The following C1QTNF3 variants were observed in gnomAD, a reference collection of about 807,000 sequenced individuals.
C1QTNF3 encodes the protein complement C1q tumor necrosis factor-related protein 3.
Under a neutral mutation model 32.6 loss-of-function variants are expected in C1QTNF3, and 26 were observed. That is an observed-to-expected ratio of 0.80 (90% CI 0.58 to 1.11). C1QTNF3 has a LOEUF of 1.11. Ranked by LOEUF, C1QTNF3 falls within the 50% of genes least tolerant of loss-of-function variation. The pLI is 0.00. For synonymous variants in C1QTNF3, 155 were observed against 146.0 expected (o/e 1.06, Z -0.44); for missense variants, 362 against 398.2 (o/e 0.91, Z 0.77).
Position 34,043,007 on chromosome 5 carries a change from A to C in C1QTNF3, c.119T>G (p.Ile40Arg). Residue 40 changes from isoleucine (I) to arginine (R), a missense_variant, in exon 1 of 6, where the codon ATA (isoleucine) becomes AGA (arginine). Ile to Arg is a moderately conservative substitution (Grantham distance 97, BLOSUM62 -3). Coordinates refer to ENST00000382065, the MANE Select transcript of C1QTNF3 (RefSeq NM_181435.6). ...GCCAGTCTGCTGGTGGCTTTGCACT[A>C]TTCTTGCCACCACTTTATTAGTTCT... ...SGRTNKVVAR[I>R]VQSHQQTGRS... 1 of 1,614,168 alleles carries C rather than the reference A, an allele frequency of 6.2e-7. No homozygotes were observed. Among genetic ancestry groups the C allele is most frequent in the Non-Finnish European group, 8.5e-7 (1 of 1,180,032 alleles).
At chr5:34,204,232 G>A in the C1QTNF3 span, among the ~76,000 whole-genome samples, 3 of 152,026 alleles carry the variant, frequency 2.0e-5, no homozygotes, top group Admixed American at 1.3e-4. Flanking sequence ...TAATAAAACC[G>A]CAATTTCACC....
chr5:34,107,469 T>C, the C1QTNF3 span, among the ~76,000 whole-genome samples: 1 of 151,974 alleles, frequency 6.6e-6, no homozygotes, highest in Non-Finnish European at 1.5e-5. Flanking sequence ...ATAATGACAA[T>C]AACTGTCATC....
At chr5:34,127,412 A>C in the C1QTNF3 span, among the ~76,000 whole-genome samples, 9 of 151,826 alleles carry the variant, frequency 5.9e-5, no homozygotes, top group Admixed American at 5.9e-4. Flanking sequence ...CTTATTGTGA[A>C]CTATAGTAAA....
chr5:34,213,475 T>C, the C1QTNF3 span, among the ~76,000 whole-genome samples: 6 of 151,826 alleles, frequency 4.0e-5, no homozygotes, highest in African/African-American at 1.5e-4. Context: ...TTGAGGTCTA[T>C]ATGCTACATT....
At chr5:34,232,266 T>C in the C1QTNF3 span, among the ~76,000 whole-genome samples, 1 of 152,202 alleles carries the variant, frequency 6.6e-6, no homozygotes, top group Non-Finnish European at 1.5e-5. Flanking sequence ...TACAGGCTTA[T>C]AGGCAGAAGG....
At chr5:34,244,073 TCTCAC>T in the C1QTNF3 span, among the ~76,000 whole-genome samples, 1 of 152,042 alleles carries the variant, frequency 6.6e-6, no homozygotes, top group Non-Finnish European at 1.5e-5. Flanking sequence ...CTCTCTGGTT[TCTCAC>T]CTAATTCATA....
chr5:34,236,108 T>C, the C1QTNF3 span, among the ~76,000 whole-genome samples: 3 of 152,230 alleles, frequency 2.0e-5, no homozygotes, highest in Non-Finnish European at 2.9e-5. Context: ...AAGTTGGATA[T>C]AAAATATGTT....
At chr5:34,207,455 T>G in the C1QTNF3 span, among the ~76,000 whole-genome samples, 30 of 152,294 alleles carry the variant, frequency 2.0e-4, no homozygotes, top group Admixed American at 7.8e-4. Flanking sequence ...GCAAGCTATT[T>G]AAATTTTGTG....
the C1QTNF3 span, among the ~76,000 whole-genome samples, chr5:34,210,172 G>T: frequency 6.6e-6 from 1 of 151,922 alleles, no homozygotes; most frequent in African/African-American, 2.4e-5. Context: ...TAGGTTTTCA[G>T]TTTCTGATGT....
At chr5:34,241,647 T>TG in the C1QTNF3 span, among the ~76,000 whole-genome samples, 6 of 151,744 alleles carry the variant, frequency 4.0e-5, no homozygotes, top group South Asian at 1.3e-3. Flanking sequence ...CTGGATGCAG[T>TG]GGTTCATGCC....
chr5:34,139,238 G>A, the C1QTNF3 span, among the ~76,000 whole-genome samples: 67 of 151,270 alleles, frequency 4.4e-4, no homozygotes, highest in African/African-American at 1.6e-3. Flanking sequence ...ATACACACAC[G>A]GACTTATTTT....
the C1QTNF3 span, among the ~76,000 whole-genome samples, chr5:34,056,604 C>T: frequency 6.6e-6 from 1 of 150,684 alleles, no homozygotes; most frequent in Non-Finnish European, 1.5e-5. Flanking sequence ...CCTTGACCTC[C>T]CGGGCTCAAG....
the C1QTNF3 span, chr5:34,106,026 C>G: frequency 1.4e-5 from 2 of 147,292 alleles, no homozygotes; most frequent in African/African-American, 2.5e-5. Context: ...AGTTGGATAT[C>G]CAAAGTTACA....
At position 34,028,815 on chromosome 5, in the gene C1QTNF3, A is replaced by C. The variant is rs752684956; in HGVS notation, c.639T>G (p.Val213=). ...NQNSGIIFSS[V]ETNIGNFFDV... is the part of the protein sequence containing the mutation. ...CAAAGAAGTTTCCAATGTTGGTCTC[A>C]ACACTGCTGAAGATAATCCCACTGT... The change falls in exon 4 of 6, where the codon GTT becomes GTG. Residue 213 remains valine (V), a synonymous_variant. Transcript: ENST00000382065. 1 of 1,613,458 alleles carries C rather than the reference A, an allele frequency of 6.2e-7. No homozygotes were observed. Among genetic ancestry groups the C allele is most frequent in the Admixed American group, 1.7e-5 (1 of 59,924 alleles).
the C1QTNF3 span, among the ~76,000 whole-genome samples, chr5:34,146,861 A>G: frequency 6.6e-6 from 1 of 152,224 alleles, no homozygotes; most frequent in Non-Finnish European, 1.5e-5. Flanking sequence ...TAAACTATTT[A>G]CAAAGTAGAC....
At chr5:34,183,709 T>C in the C1QTNF3 span, among the ~76,000 whole-genome samples, 3 of 151,572 alleles carry the variant, frequency 2.0e-5, no homozygotes, top group Non-Finnish European at 4.4e-5. Flanking sequence ...AAAGATTTTA[T>C]AACAGTATCT....
chr5:34,020,598 G>A lies in C1QTNF3; in HGVS notation c.945C>T (p.Leu315=), dbSNP rs1754300195. Residue 315 remains leucine (L), a synonymous_variant, in exon 6 of 6, where the codon CTC becomes CTT. Coordinates refer to ENST00000382065, the MANE Select transcript of C1QTNF3 (RefSeq NM_181435.6). The part of the protein sequence containing the change: ...QRFSTFAGFL[L]FETK Reference sequence around the variant, plus strand: ...AGTCATATATTTACTTAGTTTCAAAGAGCAGGAATCCTGCAAAGGTGGAGA... The same window carrying A: ...AGTCATATATTTACTTAGTTTCAAAAAGCAGGAATCCTGCAAAGGTGGAGA... 2 of 1,614,166 alleles carry A rather than the reference G, an allele frequency of 1.2e-6. No homozygotes were observed. Among genetic ancestry groups the A allele is most frequent in the East Asian group, 2.2e-5 (1 of 44,884 alleles).
At chr5:34,094,290 C>A in the C1QTNF3 span, among the ~76,000 whole-genome samples, 68 of 151,954 alleles carry the variant, frequency 4.5e-4, no homozygotes, top group African/African-American at 1.5e-3. Flanking sequence ...CAAAAAATGG[C>A]CAAATCTGTT....
chr5:34,052,029 T>A, the C1QTNF3 span, among the ~76,000 whole-genome samples: 3 of 152,220 alleles, frequency 2.0e-5, no homozygotes, highest in East Asian at 5.8e-4. Flanking sequence ...TCCCAGCTAC[T>A]CGGGAGTCTG....
Sources: allele counts gnomAD v4.1 joint callset (sites outside exome capture counted in the v4.1 genomes callset), GRCh38; gene constraint gnomAD v4.1.1; transcripts MANE v1.5; gene names NCBI Gene and HGNC (gene_info 2026-07-23, HGNC 2026-07-21).